AOAH: variants seen among roughly 807,000 people sequenced by gnomAD.
AOAH encodes the protein acyloxyacyl hydrolase (neutrophil).
Under a neutral mutation model 92.2 loss-of-function variants are expected in AOAH, and 64 were observed. The observed-to-expected ratio is 0.69, with a 90% CI of 0.57 to 0.86. The LOEUF is 0.86. Ranked by LOEUF, AOAH falls within the 40% of genes least tolerant of loss-of-function variation. The probability of loss-of-function intolerance (pLI) is 0.00; values close to 1 mark genes in which losing one functional copy is unlikely to be tolerated. For synonymous variants in AOAH, 263 were observed against 254.5 expected (o/e 1.03, Z -0.32); for missense variants, 656 against 694.6 (o/e 0.94, Z 0.62).
chr7:36,609,128 G>A (rs1457669029), intron 11 of AOAH, among the ~76,000 whole-genome samples: 2 of 152,132 alleles, frequency 1.3e-5, no homozygotes, highest in Non-Finnish European at 2.9e-5. Context: ...GGCATCTTGA[G>A]GAACCCTCAT....
intron 1 of AOAH, among the ~76,000 whole-genome samples, chr7:36,716,277 C>T (rs1799163287): frequency 6.6e-6 from 1 of 151,658 alleles, no homozygotes; most frequent in African/African-American, 2.4e-5. Flanking sequence ...AATGAGATAC[C>T]ATCTCACACC....
At chr7:36,586,135 T>C (rs1468922278) in intron 12 of AOAH, among the ~76,000 whole-genome samples, 2 of 152,134 alleles carry the variant, frequency 1.3e-5, no homozygotes, top group Non-Finnish European at 2.9e-5. Flanking sequence ...TCCCTTTCTC[T>C]GCCTTTTAGA....
intron 2 of AOAH, among the ~76,000 whole-genome samples, chr7:36,685,474 T>G (rs944716968): frequency 1.3e-5 from 2 of 152,224 alleles, no homozygotes; most frequent in African/African-American, 4.8e-5. Context: ...CATCTTTCAG[T>G]AACGGATGAA....
chr7:36,548,594 T>C lies in AOAH; in HGVS notation c.1133+18A>G. 1.2e-6 allele frequency: 2 copies of C among 1,608,264 alleles called. No individual in the cohort carries two copies. Among genetic ancestry groups the C allele is most frequent in the Admixed American group, 1.7e-5 (1 of 59,962 alleles). On this transcript the variant is annotated intron_variant, in intron 15 of 20. Coordinates refer to ENST00000617537, the MANE Select transcript of AOAH (RefSeq NM_001637.4). ...CAGAGCCAAAGAATCTTGAAAATAC[T>C]TTTTCTCAATAACTCACCCACTGCA...
chr7:36,713,535 G>T (rs1447775160), intron 1 of AOAH, among the ~76,000 whole-genome samples: 2 of 152,158 alleles, frequency 1.3e-5, no homozygotes, highest in East Asian at 1.9e-4. Context: ...TTTCTTTTCA[G>T]CACCACACCA....
At chr7:36,688,202 A>C (rs1313699801) in intron 1 of AOAH, among the ~76,000 whole-genome samples, 1 of 152,230 alleles carries the variant, frequency 6.6e-6, no homozygotes, top group Non-Finnish European at 1.5e-5. Flanking sequence ...GCTTATCAGC[A>C]CTTTATGGTC....
intron 13 of AOAH, among the ~76,000 whole-genome samples, chr7:36,569,246 C>T (rs913186190): frequency 6.6e-6 from 1 of 152,084 alleles, no homozygotes; most frequent in African/African-American, 2.4e-5. Context: ...CTTGCTAAAA[C>T]AAAATGAGGA....
At chr7:36,564,317 A>G (rs1787520801) in intron 13 of AOAH, among the ~76,000 whole-genome samples, 1 of 152,092 alleles carries the variant, frequency 6.6e-6, no homozygotes, top group African/African-American at 2.4e-5. Context: ...CTGCCCTTTC[A>G]CCAGAAACAC....
intron 13 of AOAH, among the ~76,000 whole-genome samples, chr7:36,555,543 T>C (rs2116398974): frequency 6.6e-6 from 1 of 152,280 alleles, no homozygotes; most frequent in African/African-American, 2.4e-5. Context: ...TTGATTGGAA[T>C]AGTTTCAGAA....
chr7:36,646,129 G>A (rs1794209921), intron 4 of AOAH, among the ~76,000 whole-genome samples: 1 of 152,150 alleles, frequency 6.6e-6, no homozygotes, highest in Non-Finnish European at 1.5e-5. Context: ...ACACCATAGA[G>A]GTTCTTCTAT....
chr7:36,536,965 A>G (rs957294179), intron 16 of AOAH, among the ~76,000 whole-genome samples: 3 of 150,246 alleles, frequency 2.0e-5, no homozygotes, highest in Admixed American at 2.0e-4. Flanking sequence ...AAAAAAAAAA[A>G]AAAAAAAAAA....
At chr7:36,551,369 G>A (rs2116342379) in intron 13 of AOAH, among the ~76,000 whole-genome samples, 1 of 152,192 alleles carries the variant, frequency 6.6e-6, no homozygotes, top group South Asian at 2.1e-4. Context: ...ACCGCATCTG[G>A]CCTCATTTCA....
intron 11 of AOAH, among the ~76,000 whole-genome samples, chr7:36,595,240 A>G (rs1447952487): frequency 6.6e-6 from 1 of 152,254 alleles, no homozygotes; most frequent in Non-Finnish European, 1.5e-5. Flanking sequence ...GCAAATAAAA[A>G]TAAAGGGTAC....
intron 4 of AOAH, among the ~76,000 whole-genome samples, chr7:36,648,906 GTTTAAAGGGGAAC>G (rs887732478): frequency 3.2e-4 from 48 of 152,124 alleles, no homozygotes; most frequent in African/African-American, 1.2e-3. Flanking sequence ...TTCCTCAGAT[GTTTAAAGGGGAAC>G]TTTTAAAAAC....
At chr7:36,518,860 C>A (rs1258461539) in intron 20 of AOAH, among the ~76,000 whole-genome samples, 1 of 152,178 alleles carries the variant, frequency 6.6e-6, no homozygotes, top group Non-Finnish European at 1.5e-5. Flanking sequence ...GCCATCCTTA[C>A]ACTGGCCTGG....
chr7:36,676,029 A>C (rs1796237571), intron 2 of AOAH, among the ~76,000 whole-genome samples: 2 of 152,214 alleles, frequency 1.3e-5, no homozygotes, highest in Non-Finnish European at 1.5e-5. Context: ...TTAGTGGTGA[A>C]AAATTAAATA....
chr7:36,601,552 T>G (rs1790602232), intron 11 of AOAH, among the ~76,000 whole-genome samples: 1 of 152,214 alleles, frequency 6.6e-6, no homozygotes, highest in African/African-American at 2.4e-5. Context: ...CCTTCTGTGC[T>G]TCAGTTTCAT....
intron 1 of AOAH, among the ~76,000 whole-genome samples, chr7:36,709,826 A>G (rs1288975641): frequency 2.6e-5 from 4 of 152,208 alleles, no homozygotes; most frequent in African/African-American, 9.7e-5. Flanking sequence ...TCCATGAGAA[A>G]AAGCTTGCAT....
At chr7:36,707,322 G>A (rs1468174729) in intron 1 of AOAH, among the ~76,000 whole-genome samples, 1 of 151,928 alleles carries the variant, frequency 6.6e-6, no homozygotes, top group Non-Finnish European at 1.5e-5. Context: ...TATCAATTAA[G>A]GTTGCTGTCT....
Sources: allele counts gnomAD v4.1 joint callset (sites outside exome capture counted in the v4.1 genomes callset), GRCh38; gene constraint gnomAD v4.1.1; transcripts MANE v1.5; gene names NCBI Gene and HGNC (gene_info 2026-07-23, HGNC 2026-07-21).